Variants in TRDN observed in about 807,000 individuals in gnomAD.
TRDN encodes triadin in skeletal muscle.
TRDN carries 161 observed loss-of-function variants against 149.7 expected under a neutral mutation model. The observed-to-expected ratio is 1.08, with a 90% CI of 0.95 to 1.23. The LOEUF is 1.23. Ranked by LOEUF, TRDN falls within the 50% of genes most tolerant of loss-of-function variation. The pLI, the probability that TRDN is intolerant of heterozygous loss-of-function variation, is 0.00. For synonymous variants in TRDN, 294 were observed against 250.5 expected (o/e 1.17, Z -1.64); for missense variants, 896 against 823.5 (o/e 1.09, Z -1.08).
At chr6:123,326,319 T>C (rs976736159) in intron 23 of TRDN, among the ~76,000 whole-genome samples, 2 of 152,012 alleles carry the variant, frequency 1.3e-5, no homozygotes, top group African/African-American at 4.8e-5. Context: ...TAAAAATACC[T>C]CAAATTCAGC....
In TRDN at chr6:123,431,249, G is replaced by A. The variant is rs115888278; in HGVS notation, c.1051+6814C>T. On this transcript the variant is annotated intron_variant, in intron 12 of 40. Transcript: ENST00000334268. ...CCTTGTAATTGTGGAGCCTCACTAA[G>A]TCAAGGCTGGGAAATACTGATTAAA... Among the ~76,000 whole-genome samples the A allele has an allele frequency of 6.4e-3, 969 of 152,228 alleles. 8 individuals carry two copies. The highest frequency in any genetic ancestry group is 0.022 in the African/African-American group (910 of 41,532).
At chr6:123,228,556 C>T (rs754591639) in intron 38 of TRDN, among the ~76,000 whole-genome samples, 4 of 151,856 alleles carry the variant, frequency 2.6e-5, no homozygotes, top group Non-Finnish European at 5.9e-5. Flanking sequence ...CTCCTGAGAA[C>T]GTACTCACTA....
chr6:123,490,956 A>T (rs1778188108), intron 9 of TRDN, among the ~76,000 whole-genome samples: 1 of 152,254 alleles, frequency 6.6e-6, no homozygotes, highest in African/African-American at 2.4e-5. Flanking sequence ...TAGAAAAAAA[A>T]TTAGATGGGC....
Position 123,554,163 on chromosome 6 carries a change from T to A in TRDN, c.233-5551A>T, listed in dbSNP as rs1450558694. 2.0e-5 allele frequency among the ~76,000 whole-genome samples: 3 copies of A among 152,186 alleles called. No individual in the cohort carries two copies. The East Asian group carries it at 5.8e-4, about 29-fold the overall frequency. On this transcript the variant is annotated intron_variant, in intron 2 of 40. Coordinates refer to ENST00000334268, the MANE Select transcript of TRDN (RefSeq NM_006073.4). ...CCAGAAAATATTCAGATCCAAATAT[T>A]TGGAACTAAATTGAGGTAAAGGTTT...
At chr6:123,562,797 T>A (rs981790841) in intron 2 of TRDN, among the ~76,000 whole-genome samples, 1 of 152,228 alleles carries the variant, frequency 6.6e-6, no homozygotes, top group Non-Finnish European at 1.5e-5. Context: ...TTTAGATGCT[T>A]TTAAACCAAA....
At chr6:123,630,747 C>G (rs1367913651) in intron 1 of TRDN, among the ~76,000 whole-genome samples, 1 of 151,918 alleles carries the variant, frequency 6.6e-6, no homozygotes, top group East Asian at 1.9e-4. Context: ...CAAGGGCTGA[C>G]ACTACACAGC....
intron 10 of TRDN, among the ~76,000 whole-genome samples, chr6:123,460,275 C>T (rs1187221044): frequency 3.3e-5 from 5 of 152,104 alleles, no homozygotes; most frequent in Non-Finnish European, 7.4e-5. Flanking sequence ...AAAGCAATCA[C>T]CTTACTAGCT....
chr6:123,534,243 A>C (rs1284205732), intron 4 of TRDN, among the ~76,000 whole-genome samples: 1 of 152,218 alleles, frequency 6.6e-6, no homozygotes, highest in Non-Finnish European at 1.5e-5. Flanking sequence ...AGAGGCAAGC[A>C]TGGCAAAACA....
intron 16 of TRDN, among the ~76,000 whole-genome samples, chr6:123,379,656 A>G (rs1781639740): frequency 6.6e-6 from 1 of 152,158 alleles, no homozygotes; most frequent in South Asian, 2.1e-4. Context: ...AAGCTGAAAA[A>G]TAGCTGTGCT....
rs569534063 is a variant in TRDN at position 123,344,429 on chromosome 6, T to C, written c.1370-6760A>G. 5.3e-5 allele frequency among the ~76,000 whole-genome samples: 8 copies of C among 152,164 alleles called. No individual in the cohort carries two copies. The South Asian group carries it at 1.4e-3, about 28-fold the overall frequency. On this transcript the variant is annotated intron_variant, in intron 21 of 40. Transcript: ENST00000334268. ...TAAAAATTCTCTATGCTCCACCTAT[T>C]CACCCTTCTCTCCTCCCCAAACCCT...
intron 1 of TRDN, among the ~76,000 whole-genome samples, chr6:123,633,286 A>T (rs1335275083): frequency 6.6e-6 from 1 of 152,046 alleles, no homozygotes; most frequent in African/African-American, 2.4e-5. Context: ...TCTGGGCCTG[A>T]TTCAACCTAC....
intron 2 of TRDN, among the ~76,000 whole-genome samples, chr6:123,553,750 C>G (rs747470229): frequency 6.6e-6 from 1 of 152,124 alleles, no homozygotes; most frequent in Non-Finnish European, 1.5e-5. Context: ...ATAAAACCAT[C>G]AGATCTCAGG....
intron 23 of TRDN, among the ~76,000 whole-genome samples, chr6:123,329,780 AG>A (rs1177238841): frequency 2.0e-5 from 3 of 152,146 alleles, no homozygotes; most frequent in African/African-American, 7.2e-5. Flanking sequence ...AAATCCTGAC[AG>A]TAATTTAAGG....
chr6:123,252,667 T>A (rs1776415687), intron 37 of TRDN, among the ~76,000 whole-genome samples: 1 of 152,074 alleles, frequency 6.6e-6, no homozygotes, highest in South Asian at 2.1e-4. Context: ...CAAGATGACA[T>A]GAAGTGGTAC....
intron 19 of TRDN, among the ~76,000 whole-genome samples, chr6:123,367,853 A>G (rs983944084): frequency 2.0e-5 from 3 of 152,148 alleles, no homozygotes; most frequent in Non-Finnish European, 4.4e-5. Context: ...TGAATCAGTC[A>G]AGACTATTCC....
intron 12 of TRDN, among the ~76,000 whole-genome samples, chr6:123,400,091 T>G (rs1772894673): frequency 6.7e-6 from 1 of 149,828 alleles, no homozygotes; most frequent in African/African-American, 2.4e-5. Context: ...CTAAGAAAAA[T>G]ATAGTAATGA....
intron 2 of TRDN, among the ~76,000 whole-genome samples, chr6:123,557,761 C>G (rs1290947896): frequency 6.6e-6 from 1 of 151,928 alleles, no homozygotes; most frequent in Admixed American, 6.6e-5. Context: ...AACCCCTTCC[C>G]TCCATGTCTC....
At chr6:123,221,397 A>G in intron 40 of TRDN, 90 bp downstream of exon 40, 1 of 873,166 alleles carries the variant, frequency 1.1e-6, no homozygotes, top group Non-Finnish European at 1.7e-6. Context: ...TTCTTCGAAT[A>G]CTGGTCTTAA....
intron 33 of TRDN, 137 bp from the exon 34 acceptor site, chr6:123,260,775 C>T (rs571192117): frequency 1.5e-6 from 1 of 665,426 alleles, no homozygotes; most frequent in South Asian, 2.4e-5. Context: ...GGCACACATA[C>T]TCAAAATGGC....
Sources: allele counts gnomAD v4.1 joint callset (sites outside exome capture counted in the v4.1 genomes callset), GRCh38; gene constraint gnomAD v4.1.1; transcripts MANE v1.5; gene names NCBI Gene and HGNC (gene_info 2026-07-23, HGNC 2026-07-21).